Variants in ITPR1 observed in about 807,000 individuals in gnomAD.
The protein encoded by ITPR1 is inositol 1,4,5-trisphosphate receptor type 1.
In ITPR1, 96 loss-of-function variants were observed where a neutral mutation model predicts 318.4. The ratio of observed to expected loss-of-function variants is 0.30; its 90% CI spans 0.26 to 0.36. The LOEUF (loss-of-function observed/expected upper bound fraction) is 0.36, where lower values mean the gene tolerates loss of function less well. ITPR1 is among the 10% of genes least tolerant of loss of function. ITPR1 has a pLI of 1.00. For missense variants in ITPR1, 2,440 were observed against 3,460.2 expected (o/e 0.71, Z 7.40); for synonymous variants, 1,312 against 1,289.9 (o/e 1.02, Z -0.37).
chr3:4,830,955 A>C, intron 60 of ITPR1: 1 of 456,518 alleles, frequency 2.2e-6, no homozygotes. Flanking sequence ...ACCTGAGCAG[A>C]CTTTCTCTGA....
chr3:4,615,638 A>G (rs1487693835), intron 4 of ITPR1, among the ~76,000 whole-genome samples: 1 of 152,102 alleles, frequency 6.6e-6, no homozygotes, highest in Non-Finnish European at 1.5e-5. Flanking sequence ...GGCCTCCCCA[A>G]AGTGCTGGGA....
At chr3:4,641,953 G>C in intron 6 of ITPR1, 140 bp from the exon 7 acceptor site, 1 of 565,502 alleles carries the variant, frequency 1.8e-6, no homozygotes, top group Non-Finnish European at 2.9e-6. Context: ...TGCAGCCGTA[G>C]GCACTTTGTG....
At chr3:4,616,306 T>C (rs1025679299) in intron 4 of ITPR1, among the ~76,000 whole-genome samples, 1 of 152,238 alleles carries the variant, frequency 6.6e-6, no homozygotes, top group East Asian at 1.9e-4. Flanking sequence ...TCATGAGGCT[T>C]ACAGTCTAAT....
chr3:4,543,145 C>G (rs2084626914), intron 4 of ITPR1, among the ~76,000 whole-genome samples: 1 of 151,842 alleles, frequency 6.6e-6, no homozygotes, highest in Non-Finnish European at 1.5e-5. Flanking sequence ...TGGCTCACAC[C>G]TATAGTTTCA....
chr3:4,614,982 T>G (rs1401950846), intron 4 of ITPR1, among the ~76,000 whole-genome samples: 2 of 152,178 alleles, frequency 1.3e-5, no homozygotes, highest in East Asian at 3.8e-4. Context: ...CTGACTAACA[T>G]AAGCCCAAAA....
intron 3 of ITPR1, among the ~76,000 whole-genome samples, chr3:4,517,983 G>A (rs1023506874): frequency 3.3e-5 from 5 of 152,238 alleles, no homozygotes; most frequent in African/African-American, 1.2e-4. Context: ...TGTCTATGGT[G>A]AACATTGTCA....
At chr3:4,832,521 C>T (rs1170094342) in intron 60 of ITPR1, among the ~76,000 whole-genome samples, 1 of 152,122 alleles carries the variant, frequency 6.6e-6, no homozygotes, top group Non-Finnish European at 1.5e-5. Flanking sequence ...GTCCCAGCTA[C>T]TTAGGAAGCT....
chr3:4,823,919 ATT>A (rs1405896188), intron 60 of ITPR1, among the ~76,000 whole-genome samples: 2 of 152,102 alleles, frequency 1.3e-5, no homozygotes, highest in Non-Finnish European at 2.9e-5. Context: ...CTAATTATAG[ATT>A]TCACTTCTAT....
chr3:4,709,908 T>C lies in ITPR1; in HGVS notation c.4843-417T>C, dbSNP rs144348582. Among the ~76,000 whole-genome samples the C allele has an allele frequency of 1.7e-3, 264 of 152,330 alleles. 1 individual carries two copies. The highest frequency in any genetic ancestry group is 5.9e-3 in the African/African-American group (247 of 41,574). On this transcript the variant is annotated intron_variant, in intron 37 of 61. Coordinates refer to ENST00000649015, the MANE Select transcript of ITPR1 (RefSeq NM_001378452.1). ...ACCACCCAGAGAAAACCAGTAGTAA[T>C]GTTTTAATATTTGATGTTTATCCTT... is the stretch of plus-strand genomic sequence containing the variant.
chr3:4,665,362 C>A (rs1205030815), intron 17 of ITPR1, 66 bp downstream of exon 17: 2 of 1,483,014 alleles, frequency 1.3e-6, no homozygotes, highest in Admixed American at 3.9e-5. Flanking sequence ...AACTTTCCTC[C>A]TGAGTTTTTA....
chr3:4,827,221 G>C (rs73807170), intron 60 of ITPR1, among the ~76,000 whole-genome samples: 9,554 of 152,148 alleles, frequency 0.063, 603 homozygotes, highest in East Asian at 0.23. Flanking sequence ...CGTGCTGCCC[G>C]GCTTGCCCTT....
chr3:4,734,957 C>G (rs2043170299), intron 43 of ITPR1, among the ~76,000 whole-genome samples: 1 of 152,202 alleles, frequency 6.6e-6, no homozygotes, highest in South Asian at 2.1e-4. Flanking sequence ...AACACCATCT[C>G]TGCTGCTGAC....
intron 39 of ITPR1, among the ~76,000 whole-genome samples, chr3:4,715,877 C>G (rs928492276): frequency 6.6e-6 from 1 of 152,060 alleles, no homozygotes; most frequent in Non-Finnish European, 1.5e-5. Flanking sequence ...AACAAATTAT[C>G]ACATATGATG....
intron 4 of ITPR1, among the ~76,000 whole-genome samples, chr3:4,526,064 C>T (rs2082955075): frequency 6.6e-6 from 1 of 152,218 alleles, no homozygotes; most frequent in Non-Finnish European, 1.5e-5. Context: ...GGGCAACAGT[C>T]AGGCTCTTGC....
chr3:4,655,382 A>C (rs1243697638), intron 12 of ITPR1, among the ~76,000 whole-genome samples: 2 of 152,098 alleles, frequency 1.3e-5, no homozygotes, highest in East Asian at 1.9e-4. Context: ...AGGAGGGAAG[A>C]CTGGCATTTA....
rs1251003312 is a variant in ITPR1, at chr3:4,688,399, C to G, written c.3703-96C>G. The G allele has an allele frequency of 4.0e-6, 6 of 1,483,722 alleles. No homozygotes were observed. The East Asian group carries it at 1.4e-4, about 34-fold the overall frequency. The allele number at this position is 1,483,722 out of a possible 1,614,324, so 91.9% of individuals were successfully genotyped here. A position where few individuals can be genotyped will look rare whatever the true frequency, so the allele number is the denominator to read the frequency against. ...ACCCACAACAGGTCCCCAGCAAACA[C>G]CTTCTGACTCCCACGTTAGCAGGAG... is the stretch of plus-strand genomic sequence containing the variant. On this transcript the variant is annotated intron_variant, in intron 30 of 61. Coordinates refer to ENST00000649015, the MANE Select transcript of ITPR1 (RefSeq NM_001378452.1).
chr3:4,591,839 G>GA (rs1458400932), intron 4 of ITPR1, among the ~76,000 whole-genome samples: 1 of 152,072 alleles, frequency 6.6e-6, no homozygotes, highest in East Asian at 1.9e-4. Context: ...ACTTCAACGT[G>GA]GCTGATTTTT....
intron 4 of ITPR1, among the ~76,000 whole-genome samples, chr3:4,524,364 G>T (rs2082812749): frequency 8.5e-6 from 1 of 117,880 alleles, no homozygotes; most frequent in African/African-American, 3.2e-5. Context: ...GGAAGCAATT[G>T]CTGCGTTTCC....
rs932276053 is a variant in ITPR1, at chr3:4,630,349, A to G, written c.279+2471A>G. Among the ~76,000 whole-genome samples, 13 of 152,168 alleles carry G rather than the reference A, an allele frequency of 8.5e-5. No homozygotes were observed. In the East Asian group the frequency reaches 2.1e-3, roughly 25 times the overall value. On this transcript the variant is annotated intron_variant, in intron 5 of 61. Transcript: ENST00000649015. ...CAAAAGACATAATCTCAAGTGCCAT[A>G]ATCCCAAATGTTGAAATCCCTAAAA...
Sources: gnomAD v4.1 joint callset for allele counts (sites outside exome capture counted in the v4.1 genomes callset) on GRCh38, gnomAD v4.1.1 for gene constraint, MANE v1.5 for transcripts, NCBI Gene and HGNC (gene_info 2026-07-23, HGNC 2026-07-21) for gene names.